Variants in NSMCE2 observed in about 807,000 individuals in gnomAD.
NSMCE2 encodes NSE2 SUMO ligase component of SMC5/6 complex, also known as E3 SUMO-protein ligase NSE2.
Under a neutral mutation model 23.8 loss-of-function variants are expected in NSMCE2, and 24 were observed. The observed-to-expected ratio is 1.01, with a 90% CI of 0.73 to 1.42. The LOEUF (loss-of-function observed/expected upper bound fraction) is 1.42, where lower values mean the gene tolerates loss of function less well. NSMCE2 is among the 40% of genes most tolerant of loss of function. NSMCE2 has a pLI of 0.00. For synonymous variants in NSMCE2, 92 were observed against 94.1 expected (o/e 0.98, Z 0.13); for missense variants, 284 against 296.5 (o/e 0.96, Z 0.31).
At chr8:125,182,376 A>G in intron 5 of NSMCE2, 120 bp downstream of exon 5, 1 of 813,154 alleles carries the variant, frequency 1.2e-6, no homozygotes, top group Non-Finnish European at 2.1e-6. Flanking sequence ...TCCTCATTCT[A>G]AGTTGCGTTT....
intron 4 of NSMCE2, among the ~76,000 whole-genome samples, chr8:125,171,921 C>T (rs1401197637): frequency 6.6e-6 from 1 of 152,170 alleles, no homozygotes; most frequent in Non-Finnish European, 1.5e-5. Context: ...CTCTTGAGCA[C>T]TTGGCAGTGT....
intron 4 of NSMCE2, among the ~76,000 whole-genome samples, chr8:125,177,880 A>T (rs1295036921): frequency 6.6e-6 from 1 of 152,082 alleles, no homozygotes; most frequent in Non-Finnish European, 1.5e-5. Flanking sequence ...CTAGCTTCGT[A>T]CTAGGTAACT....
intron 5 of NSMCE2, among the ~76,000 whole-genome samples, chr8:125,342,001 T>C (rs983440301): frequency 4.6e-5 from 7 of 151,528 alleles, no homozygotes; most frequent in African/African-American, 1.7e-4. Flanking sequence ...ATGTGTTTGA[T>C]ATGTTAATTG....
chr8:125,257,091 C>G (rs1269132706), intron 5 of NSMCE2, among the ~76,000 whole-genome samples: 2 of 151,486 alleles, frequency 1.3e-5, no homozygotes, highest in Non-Finnish European at 2.9e-5. Context: ...CGAGGCCAGG[C>G]TGGCCAACAT....
intron 5 of NSMCE2, among the ~76,000 whole-genome samples, chr8:125,289,934 C>A (rs1313475617): frequency 3.3e-5 from 5 of 152,150 alleles, no homozygotes; most frequent in African/African-American, 7.2e-5. Context: ...TAATTATTTT[C>A]TCCCCTGAAT....
chr8:125,290,334 T>A (rs983555246), intron 5 of NSMCE2, among the ~76,000 whole-genome samples: 2 of 151,470 alleles, frequency 1.3e-5, no homozygotes, highest in South Asian at 2.1e-4. Context: ...ATAGAAAAAA[T>A]TTTAAATAAG....
At chr8:125,219,451 A>T (rs992061400) in intron 5 of NSMCE2, among the ~76,000 whole-genome samples, 1 of 152,200 alleles carries the variant, frequency 6.6e-6, no homozygotes, top group African/African-American at 2.4e-5. Flanking sequence ...ATTCACTCTG[A>T]GTCATTTACT....
intron 5 of NSMCE2, among the ~76,000 whole-genome samples, chr8:125,334,146 T>C (rs1829988822): frequency 6.6e-6 from 1 of 152,178 alleles, no homozygotes; most frequent in Non-Finnish European, 1.5e-5. Context: ...TTCAGTTCAC[T>C]TTGTCCTTTA....
chr8:125,324,676 G>A (rs1297051959), intron 5 of NSMCE2, among the ~76,000 whole-genome samples: 1 of 66,868 alleles, frequency 1.5e-5, no homozygotes, highest in Non-Finnish European at 4.1e-5. Context: ...CCGGGTTCAC[G>A]CCATTCTCCT....
At chr8:125,150,661 C>G (rs188910694) in intron 3 of NSMCE2, among the ~76,000 whole-genome samples, 282 of 152,074 alleles carry the variant, frequency 1.9e-3, no homozygotes, top group African/African-American at 6.7e-3. Context: ...GGATTACAGA[C>G]GTTAGTCACC....
chr8:125,190,728 G>C (rs1823307347), intron 5 of NSMCE2, among the ~76,000 whole-genome samples: 1 of 152,252 alleles, frequency 6.6e-6, no homozygotes, highest in South Asian at 2.1e-4. Context: ...TTGGATGATA[G>C]TTATAATACA....
At chr8:125,344,452 G>T (rs1689626933) in intron 5 of NSMCE2, among the ~76,000 whole-genome samples, 1 of 152,094 alleles carries the variant, frequency 6.6e-6, no homozygotes, top group Non-Finnish European at 1.5e-5. Context: ...CATTGTTTAA[G>T]ATGAATCATG....
rs1829598755 is a variant in NSMCE2 at position 125,324,875 on chromosome 8, A to T, written c.419-32344A>T. On this transcript the variant is annotated intron_variant, in intron 5 of 7. Coordinates refer to ENST00000287437, the MANE Select transcript of NSMCE2 (RefSeq NM_173685.4). ...AGGCATGAGCCACCGCGCCCGGCCCATTTTGATAAAATTCTTTATGATGCA... is the reference window on the plus strand; with the variant it reads ...AGGCATGAGCCACCGCGCCCGGCCCTTTTTGATAAAATTCTTTATGATGCA... Among the ~76,000 whole-genome samples the T allele has an allele frequency of 1.3e-5, 2 of 151,226 alleles. 1 individual carries two copies. Among genetic ancestry groups the T allele is most frequent in the Admixed American group, 1.3e-4 (2 of 15,050 alleles).
chr8:125,248,093 T>C (rs1430949647), intron 5 of NSMCE2, among the ~76,000 whole-genome samples: 2 of 152,166 alleles, frequency 1.3e-5, no homozygotes, highest in Non-Finnish European at 2.9e-5. Context: ...AAATCTAAAA[T>C]TTATACTTTA....
intron 5 of NSMCE2, among the ~76,000 whole-genome samples, chr8:125,254,213 C>T (rs1267917857): frequency 1.3e-5 from 2 of 152,200 alleles, no homozygotes; most frequent in Non-Finnish European, 2.9e-5. Context: ...GTGTTTCAGT[C>T]GTGTTTGAAG....
intron 3 of NSMCE2, among the ~76,000 whole-genome samples, chr8:125,116,800 G>A (rs185108149): frequency 3.6e-4 from 55 of 152,088 alleles, no homozygotes; most frequent in African/African-American, 1.3e-3. Flanking sequence ...ACAGAACAAA[G>A]CATAGTGCCT....
At chr8:125,172,955 G>A (rs1333511981) in intron 4 of NSMCE2, among the ~76,000 whole-genome samples, 1 of 152,150 alleles carries the variant, frequency 6.6e-6, no homozygotes, top group African/African-American at 2.4e-5. Context: ...GCTTTGAGTT[G>A]TTGGTGGTCC....
intron 3 of NSMCE2, among the ~76,000 whole-genome samples, chr8:125,135,801 T>C (rs1251430962): frequency 6.6e-6 from 1 of 152,248 alleles, no homozygotes; most frequent in African/African-American, 2.4e-5. Flanking sequence ...ACTATCTTGA[T>C]TACTGATGCT....
chr8:125,180,621 T>G (rs1025733400), intron 4 of NSMCE2, among the ~76,000 whole-genome samples: 1 of 152,250 alleles, frequency 6.6e-6, no homozygotes, highest in Non-Finnish European at 1.5e-5. Flanking sequence ...TCAAGAATTT[T>G]CTGTATCTAA....
Sources: allele counts gnomAD v4.1 joint callset (sites outside exome capture counted in the v4.1 genomes callset), GRCh38; gene constraint gnomAD v4.1.1; transcripts MANE v1.5; gene names NCBI Gene and HGNC (gene_info 2026-07-23, HGNC 2026-07-21).